USP48: variants seen among roughly 807,000 people sequenced by gnomAD.
The protein encoded by USP48 is ubiquitin carboxyl-terminal hydrolase 48.
USP48 carries 43 observed loss-of-function variants against 150.7 expected under a neutral mutation model. The ratio of observed to expected loss-of-function variants is 0.29; its 90% confidence interval spans 0.22 to 0.37. The LOEUF is 0.37. Among genes scored for constraint, USP48 ranks in the 10% least tolerant of loss-of-function variants. The pLI is 1.00. For missense variants in USP48, 813 were observed against 1,249.6 expected (o/e 0.65, Z 5.27); for synonymous variants, 396 against 425.9 (o/e 0.93, Z 0.86).
intron 6 of USP48, among the ~76,000 whole-genome samples, chr1:21,748,658 C>T (rs1169111028): frequency 2.0e-5 from 3 of 152,238 alleles, no homozygotes; most frequent in Non-Finnish European, 4.4e-5. Flanking sequence ...CGCCTGTAAT[C>T]CCAACACTTT....
intron 26 of USP48, among the ~76,000 whole-genome samples, chr1:21,680,206 T>A: frequency 6.6e-6 from 1 of 152,108 alleles, no homozygotes; most frequent in South Asian, 2.1e-4. Context: ...GCTTCTGGAG[T>A]GGCCAGCAAA....
chr1:21,752,535 A>G lies in USP48; in HGVS notation c.657T>C (p.Tyr219=). Residue 219 remains tyrosine (Y), a synonymous_variant, in exon 5 of 27, where the codon TAT becomes TAC. Transcript: ENST00000308271. ...AGTTGAAACAGACTTACACAGTTAC[A>G]TAGGCATATTCTCCACAGAACTGCT... is the stretch of plus-strand genomic sequence containing the variant. ...VQQQFCGEYA[Y]VTVCNQCGRE... is the part of the protein sequence containing the mutation. 1 of 1,609,616 alleles carries G rather than the reference A, an allele frequency of 6.2e-7. No individual in the cohort carries two copies. The highest frequency in any genetic ancestry group is 8.5e-7 in the Non-Finnish European group (1 of 1,179,126).
intron 19 of USP48, 124 bp downstream of exon 19, chr1:21,705,603 A>ATAAGATG: frequency 1.5e-6 from 1 of 675,932 alleles, no homozygotes. Flanking sequence ...AAAACCCCAC[A>ATAAGATG]ATTCAGCAAA....
chr1:21,705,530 G>C (rs561398234), intron 19 of USP48, among the ~76,000 whole-genome samples, 197 bp downstream of exon 19: 156 of 152,122 alleles, frequency 1.0e-3, no homozygotes, highest in Non-Finnish European at 1.8e-3. Context: ...AAGACAAATA[G>C]CCTCGGGCAG....
At chr1:21,736,735 AC>A in intron 8 of USP48, 110 bp from the exon 9 acceptor site, 1 of 938,896 alleles carries the variant, frequency 1.1e-6, no homozygotes, top group South Asian at 3.3e-5. Flanking sequence ...ATAACTAAAA[AC>A]ATGTCACCTA....
At chr1:21,702,912 C>T (rs2097661380) in intron 21 of USP48, among the ~76,000 whole-genome samples, 1 of 152,244 alleles carries the variant, frequency 6.6e-6, no homozygotes, top group South Asian at 2.1e-4. Flanking sequence ...TGTCTATCAC[C>T]ACAGGAAGCT....
intron 7 of USP48, among the ~76,000 whole-genome samples, chr1:21,747,493 G>A (rs188046574): frequency 1.3e-5 from 2 of 152,178 alleles, no homozygotes; most frequent in East Asian, 3.9e-4. Flanking sequence ...TGGCGGGGGT[G>A]TAATGAGTAC....
chr1:21,770,358 C>A (rs992433141), intron 1 of USP48, among the ~76,000 whole-genome samples: 1 of 150,954 alleles, frequency 6.6e-6, no homozygotes, highest in African/African-American at 2.4e-5. Flanking sequence ...GGAAAAGAGG[C>A]AGAAGTAACT....
intron 1 of USP48, among the ~76,000 whole-genome samples, chr1:21,776,128 T>TA (rs1443602345): frequency 1.3e-5 from 2 of 152,110 alleles, no homozygotes; most frequent in Non-Finnish European, 2.9e-5. Context: ...ACACATCCCT[T>TA]ACCCAACAAT....
intron 8 of USP48, among the ~76,000 whole-genome samples, chr1:21,738,666 T>G (rs931286576): frequency 1.3e-5 from 2 of 152,090 alleles, no homozygotes; most frequent in African/African-American, 4.8e-5. Flanking sequence ...CCCATTTTTT[T>G]TTTTTATAGA....
At chr1:21,758,993 T>C (rs1408463910) in intron 1 of USP48, among the ~76,000 whole-genome samples, 1 of 151,758 alleles carries the variant, frequency 6.6e-6, no homozygotes, top group Non-Finnish European at 1.5e-5. Flanking sequence ...GCCAACATGG[T>C]GAAACCCTGT....
chr1:21,703,172 T>A (rs933062570), intron 21 of USP48, among the ~76,000 whole-genome samples: 1 of 152,208 alleles, frequency 6.6e-6, no homozygotes, highest in African/African-American at 2.4e-5. Context: ...ATCATATGAA[T>A]TTATACTTTA....
In USP48 at chr1:21,743,015, ATTTT is replaced by A. The variant is rs143809487; in HGVS notation, c.991+4048_991+4051del. The stretch of plus-strand genomic sequence containing the variant: ...TTTTAACGTTTAAAGTGGTTTAAAA[ATTTT>A]TTTTTAATATTCTGGATACCTTTAA... On this transcript the variant is annotated intron_variant, in intron 8 of 26. Coordinates refer to ENST00000308271, the MANE Select transcript of USP48 (RefSeq NM_032236.8). Among the ~76,000 whole-genome samples, 4 of 152,072 alleles carry A rather than the reference ATTTT, an allele frequency of 2.6e-5. No individual in the cohort carries two copies. The East Asian group carries it at 7.7e-4, about 29-fold the overall frequency.
At chr1:21,701,762 G>A (rs533682521) in intron 21 of USP48, among the ~76,000 whole-genome samples, 160 bp from the exon 22 acceptor site, 50 of 152,214 alleles carry the variant, frequency 3.3e-4, no homozygotes, top group African/African-American at 1.2e-3. Context: ...AAGCCTTCAC[G>A]GTTTTCTATG....
chr1:21,700,342 C>G (rs1317861310), intron 22 of USP48, among the ~76,000 whole-genome samples: 1 of 152,030 alleles, frequency 6.6e-6, no homozygotes, highest in Admixed American at 6.6e-5. Flanking sequence ...TTTATGAGCG[C>G]CAATAAGCCA....
intron 15 of USP48, among the ~76,000 whole-genome samples, chr1:21,707,789 A>G (rs987194160): frequency 4.6e-5 from 7 of 152,196 alleles, no homozygotes; most frequent in African/African-American, 1.7e-4. Context: ...TACATACTAC[A>G]CTTTCCATAA....
chr1:21,778,752 A>T lies in USP48; in HGVS notation c.134+4072T>A, dbSNP rs370561217. On this transcript the variant is annotated intron_variant, in intron 1 of 26. Coordinates refer to ENST00000308271, the MANE Select transcript of USP48 (RefSeq NM_032236.8). ...CCAAAGTGGGACTCCATTTCCACAA[A>T]TTTTTTTTTTTTTTTGGAGACGGAG... 6.2e-3 allele frequency among the ~76,000 whole-genome samples: 896 copies of T among 144,628 alleles called. 6 individuals carry two copies. The highest frequency in any genetic ancestry group is 0.02 in the African/African-American group (808 of 39,712). 94.9% of individuals were successfully genotyped at this position (144,628 alleles called of 152,430 possible). A position where few individuals can be genotyped will look rare whatever the true frequency, so the allele number is the denominator to read the frequency against.
intron 14 of USP48, among the ~76,000 whole-genome samples, chr1:21,720,392 TTGC>T (rs1204993502): frequency 6.6e-6 from 1 of 152,232 alleles, no homozygotes; most frequent in Non-Finnish European, 1.5e-5. Flanking sequence ...TGCTGAGTCC[TTGC>T]TGAATTTCAA....
At chr1:21,687,918 CAGAG>C (rs1414501550) in intron 24 of USP48, among the ~76,000 whole-genome samples, 2 of 152,046 alleles carry the variant, frequency 1.3e-5, no homozygotes, top group Non-Finnish European at 2.9e-5. Flanking sequence ...GAATGTTAAA[CAGAG>C]GGAGGGGTTA....
Sources: allele counts gnomAD v4.1 joint callset (sites outside exome capture counted in the v4.1 genomes callset), GRCh38; gene constraint gnomAD v4.1.1; transcripts MANE v1.5; gene names NCBI Gene and HGNC (gene_info 2026-07-23, HGNC 2026-07-21).